The following IQCH variants were observed in gnomAD, a reference collection of about 807,000 sequenced individuals.
The protein encoded by IQCH is IQ domain-containing protein H.
A neutral mutation model predicts 117.0 loss-of-function variants in IQCH; 98 were observed. The ratio of observed to expected loss-of-function variants is 0.84; its 90% CI spans 0.71 to 0.99. The LOEUF is 0.99. IQCH is among the 50% of genes least tolerant of loss of function. The pLI is 0.00. For missense variants in IQCH, 1,102 were observed against 1,243.8 expected, an observed-to-expected ratio of 0.89 and a Z score of 1.72; for synonymous variants, 412 against 448.2, an observed-to-expected ratio of 0.92 and a Z score of 1.02.
At chr15:67,272,091 C>G (rs979630742) in intron 3 of IQCH, among the ~76,000 whole-genome samples, 1 of 151,852 alleles carries the variant, frequency 6.6e-6, no homozygotes, top group East Asian at 1.9e-4. Context: ...TTTTCACTGC[C>G]CCATAATTTT....
At position 67,395,836 on chromosome 15, in the gene IQCH, AT is replaced by A. The variant is rs1971451965; in HGVS notation, c.1905+278del. Among the ~76,000 whole-genome samples the A allele has an allele frequency of 6.6e-6, 1 of 151,440 alleles. No individual in the cohort carries two copies. Among genetic ancestry groups the A allele is most frequent in the Non-Finnish European group, 1.5e-5 (1 of 67,890 alleles). On this transcript the variant is annotated intron_variant, in intron 13 of 20. Coordinates refer to ENST00000335894, the MANE Select transcript of IQCH (RefSeq NM_001031715.3). The surrounding 1 kb of genome is among the most constrained non-coding windows in gnomAD (Gnocchi z 4.0). ...TCCCAGTTTCTGTGACTTCCAGCTA[AT>A]TTTTGTATTTTTAGTAGAGATGGGG... is the stretch of plus-strand genomic sequence containing the variant.
At chr15:67,268,807 G>A (rs941301385) in intron 3 of IQCH, among the ~76,000 whole-genome samples, 1 of 152,078 alleles carries the variant, frequency 6.6e-6, no homozygotes, top group Non-Finnish European at 1.5e-5. Flanking sequence ...GAGGGAGAAA[G>A]CATGCATAAC....
Position 67,457,533 on chromosome 15 carries a change from A to C in IQCH, c.2506-7594A>C, listed in dbSNP as rs2414949. On this transcript the variant is annotated intron_variant, in intron 16 of 20. Coordinates refer to ENST00000335894, the MANE Select transcript of IQCH (RefSeq NM_001031715.3). The surrounding 1 kb of genome is among the most constrained non-coding windows in gnomAD (Gnocchi z 5.7). ...ACCAAGTGAATTCTTACACCTGCTCAAACTCTGCTCCCAACAGTCAGATGG... is the reference window on the plus strand; with the variant it reads ...ACCAAGTGAATTCTTACACCTGCTCCAACTCTGCTCCCAACAGTCAGATGG... Among the ~76,000 whole-genome samples, 21,187 of 152,200 alleles carry C rather than the reference A, an allele frequency of 0.14. 1,528 individuals carry two copies. The highest frequency in any genetic ancestry group is 0.21 in the East Asian group (1,071 of 5,174).
intron 2 of IQCH, among the ~76,000 whole-genome samples, chr15:67,262,502 A>C (rs1323943730): frequency 1.3e-5 from 2 of 152,202 alleles, no homozygotes; most frequent in Non-Finnish European, 2.9e-5. Flanking sequence ...GGATGGACCC[A>C]GCTGGAGTCT....
At chr15:67,468,922 TATC>T (rs2083001577) in intron 17 of IQCH, among the ~76,000 whole-genome samples, 2 of 152,316 alleles carry the variant, frequency 1.3e-5, no homozygotes, top group South Asian at 4.1e-4. Context: ...TCAAAACAAG[TATC>T]ATGGCGAAAA....
chr15:67,333,208 G>A (rs1463520089), intron 4 of IQCH, among the ~76,000 whole-genome samples: 4 of 152,162 alleles, frequency 2.6e-5, no homozygotes, highest in Non-Finnish European at 5.9e-5. Context: ...TGTGAATTTA[G>A]GAGGGACACT....
chr15:67,375,595 TTTTG>T (rs1180663962), intron 10 of IQCH, among the ~76,000 whole-genome samples: 1 of 152,122 alleles, frequency 6.6e-6, no homozygotes, highest in Non-Finnish European at 1.5e-5. Flanking sequence ...ATGTAGCAAT[TTTTG>T]TTTGTTAACA....
At chr15:67,380,506 C>T (rs1970890173) in intron 10 of IQCH, among the ~76,000 whole-genome samples, 1 of 152,172 alleles carries the variant, frequency 6.6e-6, no homozygotes, top group Non-Finnish European at 1.5e-5. Context: ...GTATCTTGTG[C>T]TTTCACACTT....
At chr15:67,400,369 G>C in intron 14 of IQCH, 64 bp downstream of exon 14, 2 of 1,224,252 alleles carry the variant, frequency 1.6e-6, no homozygotes, top group Non-Finnish European at 2.4e-6. Flanking sequence ...GAAGCAAAAA[G>C]TTCAGCTAAG....
At chr15:67,380,401 T>C (rs1293757298) in intron 10 of IQCH, among the ~76,000 whole-genome samples, 2 of 152,232 alleles carry the variant, frequency 1.3e-5, no homozygotes, top group Non-Finnish European at 2.9e-5. Context: ...ACTATTAGTT[T>C]TATTTTAATC....
intron 2 of IQCH, among the ~76,000 whole-genome samples, chr15:67,262,236 A>C (rs1003434604): frequency 6.6e-6 from 1 of 152,192 alleles, no homozygotes; most frequent in Non-Finnish European, 1.5e-5. Flanking sequence ...GTAAATAGGA[A>C]CTTCATCATT....
At position 67,413,345 on chromosome 15, in the gene IQCH, G is replaced by A. The variant is rs563985859; in HGVS notation, c.2098-3586G>A. ...TCTTAGCTTGTTAAACCACTGCTGC[G>A]ATGGAGTCCTTTGCTCCTGGATTTG... On this transcript the variant is annotated intron_variant, in intron 14 of 20. Transcript: ENST00000335894. The surrounding 1 kb of genome is among the most constrained non-coding windows in gnomAD (Gnocchi z 5.0). Among the ~76,000 whole-genome samples the A allele has an allele frequency of 1.3e-3, 204 of 152,122 alleles. No homozygotes were observed. The highest frequency in any genetic ancestry group is 3.1e-3 in the Admixed American group (48 of 15,264).
chr15:67,383,165 T>C (rs554754584), intron 10 of IQCH, among the ~76,000 whole-genome samples: 4 of 152,348 alleles, frequency 2.6e-5, no homozygotes, highest in African/African-American at 7.2e-5. Flanking sequence ...AACATTAAAA[T>C]ACCTTGTGTT....
In IQCH at chr15:67,417,673, G is replaced by A. The variant is rs28399271; in HGVS notation, c.2218+622G>A. Among the ~76,000 whole-genome samples the A allele has an allele frequency of 0.24, 36,804 of 151,950 alleles. 5,288 individuals are homozygous for A. The highest frequency in any genetic ancestry group is 0.55 in the East Asian group (2,838 of 5,152). ...TAACAACATTGGGTGGTCTATGAAT[G>A]AGGGAATGAATGGAGTGAATGATGC... On this transcript the variant is annotated intron_variant, in intron 15 of 20. Transcript: ENST00000335894. The surrounding 1 kb of genome is among the most constrained non-coding windows in gnomAD (Gnocchi z 4.3).
rs1380013980 is a variant in IQCH at position 67,478,096 on chromosome 15, AG to A, written c.2799+2279del. ...CACTGAAGACAGCTACAGAAAAGGC[AG>A]ACAGAGGCTGGGCACGGTGGCTCAT... On this transcript the variant is annotated intron_variant, in intron 18 of 20. Coordinates refer to ENST00000335894, the MANE Select transcript of IQCH (RefSeq NM_001031715.3). Among the ~76,000 whole-genome samples the A allele has an allele frequency of 6.6e-5, 10 of 152,306 alleles. No homozygotes were observed. In the East Asian group the frequency reaches 1.9e-3, roughly 29 times the overall value.
intron 4 of IQCH, among the ~76,000 whole-genome samples, chr15:67,325,497 G>A (rs1968365566): frequency 1.3e-5 from 2 of 151,832 alleles, no homozygotes; most frequent in Admixed American, 1.3e-4. Flanking sequence ...TAGTACAATG[G>A]ATAACAATAT....
In IQCH at chr15:67,413,751, C is replaced by T. The variant is rs2081507340; in HGVS notation, c.2098-3180C>T. On this transcript the variant is annotated intron_variant, in intron 14 of 20. Transcript: ENST00000335894. This position sits in a 1 kb window ranked among gnomAD's most constrained non-coding sequence, Gnocchi z 5.0. ...AGCTGCCTCTGTGTGCCCCAGCATC[C>T]CTACTGAATGTCACCCCGCCAGTGC... 6.6e-6 allele frequency among the ~76,000 whole-genome samples: 1 copy of T among 152,180 alleles called. No homozygotes were observed. The highest frequency in any genetic ancestry group is 1.5e-5 in the Non-Finnish European group (1 of 68,032).
chr15:67,324,404 G>A (rs1156409251), intron 4 of IQCH, among the ~76,000 whole-genome samples: 1 of 151,602 alleles, frequency 6.6e-6, no homozygotes, highest in Non-Finnish European at 1.5e-5. Context: ...GAGGTCCAGA[G>A]TTCGAGACCA....
At chr15:67,358,207 C>CTTTTCTTTTTTTTTTTTTTTTTT (rs1555462707) in intron 7 of IQCH, among the ~76,000 whole-genome samples, 1 of 10,450 alleles carries the variant, frequency 9.6e-5, no homozygotes, top group Admixed American at 1.9e-3. Flanking sequence ...ACTTTCTTTT[C>CTTTTCTTTTTTTTTTTTTTTTTT]TTTTTTTTTT....
Sources: gnomAD v4.1 joint callset for allele counts (sites outside exome capture counted in the v4.1 genomes callset) on GRCh38, gnomAD v4.1.1 for gene constraint, Gnocchi (gnomAD v3.1) non-coding constraint, MANE v1.5 for transcripts, NCBI Gene and HGNC (gene_info 2026-07-23, HGNC 2026-07-21) for gene names.